Variants in TKTL1 observed in about 807,000 individuals in gnomAD.
The protein encoded by TKTL1 is transketolase-like protein 1.
In TKTL1, 1 loss-of-function variant was observed where a neutral mutation model predicts 39.3. The observed-to-expected ratio is 0.03, with a 90% CI of 0.01 to 0.12. The LOEUF is 0.12. Ranked by LOEUF, TKTL1 falls within the 10% of genes least tolerant of loss-of-function variation. TKTL1 has a pLI of 1.00. For synonymous variants in TKTL1, 262 were observed against 193.8 expected (o/e 1.35, Z -2.92); for missense variants, 575 against 509.6 (o/e 1.13, Z -1.24).
chrX:154,301,446 G>A (rs1189224106), intron 1 of TKTL1, among the ~76,000 whole-genome samples: 2 of 111,726 alleles, frequency 1.8e-5, no homozygotes, highest in Admixed American at 9.5e-5. Context: ...GAACCCGGAA[G>A]GTGGAGGTTG....
intron 1 of TKTL1, among the ~76,000 whole-genome samples, chrX:154,303,703 T>C (rs1411900763): frequency 2.8e-5 from 3 of 107,285 alleles, no homozygotes; most frequent in Non-Finnish European, 5.8e-5. Flanking sequence ...TCCCCCATAA[T>C]GAAGCAGGAT....
intron 8 of TKTL1, among the ~76,000 whole-genome samples, chrX:154,322,879 C>A (rs1370718488): frequency 1.8e-5 from 2 of 111,752 alleles, no homozygotes; most frequent in Non-Finnish European, 3.8e-5. Flanking sequence ...CTAAAGAGAA[C>A]GGGTTCAGAG....
chrX:154,306,201 C>T (rs1024968393), intron 2 of TKTL1, among the ~76,000 whole-genome samples: 22 of 110,892 alleles, frequency 2.0e-4, no homozygotes, highest in Non-Finnish European at 3.8e-4. Context: ...CCCAGCTTTT[C>T]GGGAGGCTGA....
In TKTL1 at chrX:154,329,637, A is replaced by C; in HGVS notation, c.1740A>C (p.Gly580=). 1 of 1,211,660 alleles carries C rather than the reference A, an allele frequency of 8.3e-7. No homozygotes were observed. Among genetic ancestry groups the C allele is most frequent in the Non-Finnish European group, 1.1e-6 (1 of 895,286 alleles). The change falls in exon 13 of 13, where the codon GGA becomes GGC. Residue 580 remains glycine (G), a synonymous_variant. Coordinates refer to ENST00000369915, the MANE Select transcript of TKTL1 (RefSeq NM_012253.4). ...GKSEELLDMY[G]ISARHIIVAV... ...CCGAGGAATTGCTGGATATGTATGGAATTAGTGCCAGACATATCATAGTGG... is the reference window on the plus strand; with the variant it reads ...CCGAGGAATTGCTGGATATGTATGGCATTAGTGCCAGACATATCATAGTGG...
chrX:154,316,291 C>T (rs1343168760), intron 7 of TKTL1, among the ~76,000 whole-genome samples: 1 of 111,134 alleles, frequency 9.0e-6, no homozygotes, highest in African/African-American at 3.3e-5. Flanking sequence ...AGAGTGGTCT[C>T]AATCTCCTGA....
chrX:154,320,332 G>A (rs187186467), intron 7 of TKTL1: 16 of 144,061 alleles, frequency 1.1e-4, no homozygotes, highest in East Asian at 9.1e-4. Flanking sequence ...AGGCGGAGAT[G>A]GGGCTGTGAA....
chrX:154,324,719 A>G (rs1384362389), intron 9 of TKTL1, among the ~76,000 whole-genome samples: 1 of 111,748 alleles, frequency 8.9e-6, no homozygotes, highest in Non-Finnish European at 1.9e-5. Context: ...CAGCTGAGTT[A>G]TGCCTCGGTG....
At chrX:154,296,527 C>G (rs782769809) in intron 1 of TKTL1, among the ~76,000 whole-genome samples, 2 of 109,991 alleles carry the variant, frequency 1.8e-5, no homozygotes, top group African/African-American at 6.6e-5. Context: ...AAAAATGAGT[C>G]GGGCATGGGG....
At position 154,312,707 on chromosome X, in the gene TKTL1, C is replaced by T; in HGVS notation, c.798C>T (p.Asp266=). Residue 266 remains aspartate (D), a synonymous_variant, in exon 6 of 13, where the codon GAC becomes GAT. Transcript: ENST00000369915. ...TTGACCCACAGCCCCCCATTGAGGACTCACCTGAAGTCAACATCACAGATG... is the reference window on the plus strand; with the variant it reads ...TTGACCCACAGCCCCCCATTGAGGATTCACCTGAAGTCAACATCACAGATG... ...RNLDPQPPIE[D]SPEVNITDVR... 8.3e-7 allele frequency: 1 copy of T among 1,211,691 alleles called. No homozygotes were observed. The highest frequency in any genetic ancestry group is 3.0e-5 in the East Asian group (1 of 33,870).
intron 2 of TKTL1, among the ~76,000 whole-genome samples, chrX:154,306,951 G>GAA (rs200466025): frequency 3.6e-4 from 38 of 106,854 alleles, no homozygotes; most frequent in African/African-American, 1.2e-3. Context: ...AATGAAAATT[G>GAA]AAAAAAAAAT....
chrX:154,319,632 G>A lies in TKTL1; in HGVS notation c.1030-1125G>A, dbSNP rs185649336. ...CGGGTGCCTGTAATCCCAGCTACTC[G>A]GGAGGCAGAGACAGGAGAATCGCTT... On this transcript the variant is annotated intron_variant, in intron 7 of 12. Transcript: ENST00000369915. Among the ~76,000 whole-genome samples, 127 of 110,531 alleles carry A rather than the reference G, an allele frequency of 1.1e-3. 1 individual carries two copies. The highest frequency in any genetic ancestry group is 1.7e-3 in the Non-Finnish European group (90 of 52,743).
intron 11 of TKTL1, 52 bp from the exon 12 acceptor site, chrX:154,327,787 A>G (rs2067504112): frequency 1.7e-6 from 2 of 1,207,027 alleles, no homozygotes; most frequent in East Asian, 5.9e-5. Flanking sequence ...TTATCCCTGC[A>G]TGTTATTCTG....
chrX:154,302,391 C>G (rs1276338892), intron 1 of TKTL1, among the ~76,000 whole-genome samples: 1 of 111,449 alleles, frequency 9.0e-6, no homozygotes, highest in Non-Finnish European at 1.9e-5. Flanking sequence ...AGATATTCGT[C>G]TCTCACTGTC....
In TKTL1 at chrX:154,305,431, T is replaced by C. The variant is rs1310453422; in HGVS notation, c.252+10T>C. The C allele has an allele frequency of 8.3e-7, 1 of 1,202,038 alleles. No individual in the cohort carries two copies. Among genetic ancestry groups the C allele is most frequent in the Non-Finnish European group, 1.1e-6 (1 of 889,554 alleles). Reference sequence around the variant, plus strand: ...ATTTGTCCTCGCAAAGGTATGCCGGTGGGGAGCCCAGGGCTGCTGTGGCGC... The same window carrying C: ...ATTTGTCCTCGCAAAGGTATGCCGGCGGGGAGCCCAGGGCTGCTGTGGCGC... On this transcript the variant is annotated intron_variant, in intron 2 of 12. Transcript: ENST00000369915.
chrX:154,313,678 GT>G (rs1447937887), intron 6 of TKTL1, among the ~76,000 whole-genome samples: 1 of 111,674 alleles, frequency 9.0e-6, no homozygotes, highest in African/African-American at 3.3e-5. Context: ...GCTCACTCCT[GT>G]AATCCCAGCA....
chrX:154,319,022 T>G (rs1352728255), intron 7 of TKTL1, among the ~76,000 whole-genome samples: 5 of 111,535 alleles, frequency 4.5e-5, no homozygotes, highest in Admixed American at 3.8e-4. Flanking sequence ...GAATTTTGAT[T>G]ATTATTAGCT....
At chrX:154,303,246 CTG>C (rs2067288572) in intron 1 of TKTL1, among the ~76,000 whole-genome samples, 1 of 104,492 alleles carries the variant, frequency 9.6e-6, no homozygotes, top group African/African-American at 3.5e-5. Context: ...GGGTTTCACT[CTG>C]TTGCTCAGCC....
intron 2 of TKTL1, among the ~76,000 whole-genome samples, chrX:154,306,794 G>A (rs2148803256): frequency 9.2e-6 from 1 of 109,216 alleles, no homozygotes; most frequent in African/African-American, 3.3e-5. Context: ...GTGCCACTAC[G>A]ACCGGCTAAT....
In TKTL1 at chrX:154,295,821, C is replaced by G. The variant is rs370141890; in HGVS notation, c.-39C>G. 29 of 1,196,173 alleles carry G rather than the reference C, an allele frequency of 2.4e-5. No homozygotes were observed. Among genetic ancestry groups the G allele is most frequent in the African/African-American group, 5.3e-5 (3 of 56,679 alleles). On this transcript the variant is annotated 5_prime_UTR_variant, in exon 1 of 13. Transcript: ENST00000369915. ...CCATTCGCTCTTCAGACGCCGGAGACGTAGGAGTGGGTCTTCAGACTCCAA... is the reference window on the plus strand; with the variant it reads ...CCATTCGCTCTTCAGACGCCGGAGAGGTAGGAGTGGGTCTTCAGACTCCAA...
Sources: allele counts gnomAD v4.1 joint callset (sites outside exome capture counted in the v4.1 genomes callset), GRCh38; gene constraint gnomAD v4.1.1; transcripts MANE v1.5; gene names NCBI Gene and HGNC (gene_info 2026-07-23, HGNC 2026-07-21).